Variants in TUSC3 observed in about 807,000 individuals in gnomAD.
TUSC3 encodes tumor suppressor candidate 3.
In TUSC3, 45 loss-of-function variants were observed where a neutral mutation model predicts 44.8. The observed-to-expected ratio is 1.00, with a 90% CI of 0.79 to 1.29. TUSC3 has a LOEUF of 1.29. Among genes scored for constraint, TUSC3 ranks in the 50% most tolerant of loss-of-function variants. TUSC3 has a pLI of 0.00. For missense variants in TUSC3, 519 were observed against 437.9 expected, an observed-to-expected ratio of 1.19 and a Z score of -1.65; for synonymous variants, 212 against 152.9, an observed-to-expected ratio of 1.39 and a Z score of -2.85.
the TUSC3 span, among the ~76,000 whole-genome samples, chr8:15,796,135 C>A: frequency 6.6e-6 from 1 of 152,100 alleles, no homozygotes; most frequent in Non-Finnish European, 1.5e-5. Context: ...AGGGTCCTTT[C>A]CTTTGTATCC....
intron 1 of TUSC3, among the ~76,000 whole-genome samples, chr8:15,613,563 G>A (rs1029355922): frequency 5.3e-5 from 8 of 152,074 alleles, no homozygotes; most frequent in Admixed American, 6.6e-5. Flanking sequence ...ATGTTAAGAT[G>A]TCCCTTTGCT....
In TUSC3 at chr8:15,514,707, T is replaced by G. The variant is rs1242891913; in HGVS notation, n.189+31224T>G. 4.6e-5 allele frequency among the ~76,000 whole-genome samples: 7 copies of G among 152,314 alleles called. No homozygotes were observed. The East Asian group carries it at 1.4e-3, about 29-fold the overall frequency. ...GTTTTAGTGTTAGTATGTTTTAATA[T>G]TCACTTTATTTATTTTATGAAGACA... On this transcript the variant is annotated intron_variant and non_coding_transcript_variant, in intron 2 of 5. Coordinates refer to the TUSC3 transcript ENST00000503191.
intron 3 of TUSC3, among the ~76,000 whole-genome samples, chr8:15,653,964 T>C (rs1807034192): frequency 6.6e-6 from 1 of 152,152 alleles, no homozygotes; most frequent in African/African-American, 2.4e-5. Flanking sequence ...CCCATAGGAA[T>C]GGCTGAGGCT....
At position 15,551,850 on chromosome 8, in the gene TUSC3, C is replaced by A. The variant is rs555304107; in HGVS notation, c.138+11282C>A. 1.1e-3 allele frequency among the ~76,000 whole-genome samples: 161 copies of A among 151,870 alleles called. 4 individuals are homozygous for A. The Middle Eastern group carries it at 0.014, about 13-fold the overall frequency. On this transcript the variant is annotated intron_variant, in intron 1 of 10. Transcript: ENST00000503731. ...ATCCCTTTTCCTTCAAAAGTTACTT[C>A]TGTTGAGTTAGCGTCATAGCATTTG...
intron 1 of TUSC3, among the ~76,000 whole-genome samples, chr8:15,573,552 C>A (rs1802973598): frequency 6.6e-6 from 1 of 151,850 alleles, no homozygotes; most frequent in Non-Finnish European, 1.5e-5. Flanking sequence ...CTCTCCTTCC[C>A]CCCTCATCCC....
Position 15,547,098 on chromosome 8 carries a change from ATACC to A in TUSC3, c.138+6535_138+6538del, listed in dbSNP as rs1430395678. ...TAAAATTTTGGTTAATCATGTAAAG[ATACC>A]TACCAAGTTTGATATTTGAAGGTGA... On this transcript the variant is annotated intron_variant, in intron 1 of 10. Transcript: ENST00000503731. Among the ~76,000 whole-genome samples the A allele has an allele frequency of 2.6e-5, 4 of 151,842 alleles. No individual in the cohort carries two copies. In the East Asian group the frequency reaches 7.8e-4, roughly 30 times the overall value.
the TUSC3 span, among the ~76,000 whole-genome samples, chr8:15,845,335 T>C: frequency 6.6e-6 from 1 of 152,140 alleles, no homozygotes; most frequent in Non-Finnish European, 1.5e-5. Context: ...TCATGAGCTC[T>C]GGAATTCTTA....
At chr8:15,807,468 C>T in the TUSC3 span, among the ~76,000 whole-genome samples, 1 of 152,018 alleles carries the variant, frequency 6.6e-6, no homozygotes, top group African/African-American at 2.4e-5. Flanking sequence ...CTTTTAATGT[C>T]TCAAAGAATG....
intron 2 of TUSC3, among the ~76,000 whole-genome samples, 178 bp from the exon 3 acceptor site, chr8:15,650,519 A>G (rs1175635670): frequency 6.6e-6 from 1 of 152,170 alleles, no homozygotes; most frequent in Non-Finnish European, 1.5e-5. Context: ...TTTGAATTTT[A>G]TGTAATTTTC....
chr8:15,816,605 A>G, the TUSC3 span, among the ~76,000 whole-genome samples: 1 of 152,170 alleles, frequency 6.6e-6, no homozygotes, highest in South Asian at 2.1e-4. Flanking sequence ...AATTCGTAAG[A>G]CGATGTTGCC....
At chr8:15,844,663 C>A in the TUSC3 span, among the ~76,000 whole-genome samples, 1 of 152,090 alleles carries the variant, frequency 6.6e-6, no homozygotes, top group African/African-American at 2.4e-5. Flanking sequence ...AGCATTGTAA[C>A]CTCCAGTCAC....
the TUSC3 span, among the ~76,000 whole-genome samples, chr8:15,846,508 C>T: frequency 1.8e-4 from 28 of 152,154 alleles, no homozygotes; most frequent in Non-Finnish European, 3.4e-4. Context: ...AAATATACAC[C>T]AAGGAATACT....
chr8:15,816,504 T>C, the TUSC3 span, among the ~76,000 whole-genome samples: 1 of 152,162 alleles, frequency 6.6e-6, no homozygotes, highest in Non-Finnish European at 1.5e-5. Context: ...CATCCTGGCA[T>C]AGGTGACTGC....
At chr8:15,548,640 T>G (rs561088137) in intron 1 of TUSC3, among the ~76,000 whole-genome samples, 1 of 152,010 alleles carries the variant, frequency 6.6e-6, no homozygotes, top group East Asian at 1.9e-4. Context: ...CTTTGTGAGT[T>G]AATAACCTTC....
At chr8:15,773,112 A>G in the TUSC3 span, among the ~76,000 whole-genome samples, 1 of 152,190 alleles carries the variant, frequency 6.6e-6, no homozygotes. Flanking sequence ...TCTATTCAGC[A>G]TTATTCTGTG....
Position 15,592,243 on chromosome 8 carries a change from C to T in TUSC3, c.139-30837C>T, listed in dbSNP as rs368253068. On this transcript the variant is annotated intron_variant, in intron 1 of 10. Transcript: ENST00000503731. The stretch of plus-strand genomic sequence containing the variant: ...ATTCAGTTTGGATCTGTAAATTTTC[C>T]TATTCATTTAACAGTGTAGCTCTCA... Among the ~76,000 whole-genome samples, 4 of 152,278 alleles carry T rather than the reference C, an allele frequency of 2.6e-5. No homozygotes were observed. In the South Asian group the frequency reaches 6.2e-4, roughly 24 times the overall value.
intron 10 of TUSC3, among the ~76,000 whole-genome samples, chr8:15,762,734 C>G (rs352808): frequency 0.58 from 88,171 of 151,870 alleles, 27,161 homozygotes; most frequent in Non-Finnish European, 0.68. Flanking sequence ...TCAGAGCAAG[C>G]TGATGATGGC....
chr8:15,708,988 G>C (rs986990610), intron 6 of TUSC3, among the ~76,000 whole-genome samples: 7 of 151,838 alleles, frequency 4.6e-5, no homozygotes, highest in Non-Finnish European at 1.0e-4. Context: ...ACTTAATTTA[G>C]ATTTGATAAA....
At chr8:15,670,614 T>C (rs999119736) in intron 5 of TUSC3, among the ~76,000 whole-genome samples, 3 of 151,878 alleles carry the variant, frequency 2.0e-5, no homozygotes, top group African/African-American at 7.2e-5. Flanking sequence ...TCTCCATAAT[T>C]GGTGGGTGGG....
Sources: allele counts gnomAD v4.1 joint callset (sites outside exome capture counted in the v4.1 genomes callset), GRCh38; gene constraint gnomAD v4.1.1; transcripts MANE v1.5; gene names NCBI Gene and HGNC (gene_info 2026-07-23, HGNC 2026-07-21).